The following MAMDC2 variants were observed in gnomAD, a reference collection of about 807,000 sequenced individuals.
MAMDC2 encodes the protein MAM domain containing 2, also known as MAM domain-containing protein 2.
Under a neutral mutation model 89.8 loss-of-function variants are expected in MAMDC2, and 57 were observed. That is an observed-to-expected ratio of 0.63 (90% confidence interval 0.51 to 0.79). The LOEUF is 0.79. Among genes scored for constraint, MAMDC2 ranks in the 30% least tolerant of loss-of-function variants. The pLI, the probability that MAMDC2 is intolerant of heterozygous loss-of-function variation, is 0.00. For missense variants in MAMDC2, 800 were observed against 820.6 expected (o/e 0.97, Z 0.31); for synonymous variants, 313 against 293.4 (o/e 1.07, Z -0.68).
At chr9:70,121,353 C>A (rs2030274836) in intron 5 of MAMDC2, among the ~76,000 whole-genome samples, 2 of 152,192 alleles carry the variant, frequency 1.3e-5, no homozygotes, top group Non-Finnish European at 2.9e-5. Context: ...GGGGCCTGAG[C>A]ACTGGCAGCA....
At position 70,226,262 on chromosome 9, in the gene MAMDC2, A is replaced by G. The variant is rs972742336; in HGVS notation, c.*230A>G. 3.3e-6 allele frequency: 1 copy of G among 305,578 alleles called. No individual in the cohort carries two copies. Among genetic ancestry groups the G allele is most frequent in the African/African-American group, 2.2e-5 (1 of 46,040 alleles). 18.9% of individuals were successfully genotyped at this position (305,578 alleles called of 1,614,324 possible). On this transcript the variant is annotated 3_prime_UTR_variant, in exon 14 of 14. Coordinates refer to ENST00000377182, the MANE Select transcript of MAMDC2 (RefSeq NM_153267.5). ...ACAGGCTACTGGTTTTGCATAGATC[A>G]TTCATCTTAATTTTGGTACCAGTTA...
At chr9:70,095,486 G>C (rs1041117683) in intron 2 of MAMDC2, among the ~76,000 whole-genome samples, 1 of 152,178 alleles carries the variant, frequency 6.6e-6, no homozygotes. Flanking sequence ...TAGAATTTTG[G>C]AGGGAGATGG....
Position 70,209,341 on chromosome 9 carries a change from T to C in MAMDC2, c.1652-8996T>C, listed in dbSNP as rs1454150381. Among the ~76,000 whole-genome samples the C allele has an allele frequency of 3.3e-5, 5 of 152,220 alleles. No individual in the cohort carries two copies. In the East Asian group the frequency reaches 9.6e-4, roughly 29 times the overall value. On this transcript the variant is annotated intron_variant, in intron 11 of 13. Transcript: ENST00000377182. ...TTCCTCTATTCAGGGATTCAACTTC[T>C]TCCTGGTTTAGTCTTGGGAGGGCAT... is the stretch of plus-strand genomic sequence containing the variant.
chr9:70,056,729 C>A, intron 2 of MAMDC2, among the ~76,000 whole-genome samples: 1 of 152,156 alleles, frequency 6.6e-6, no homozygotes, highest in East Asian at 1.9e-4. Context: ...AGCCACACAG[C>A]AGGATTGAGC....
At chr9:70,082,777 A>T (rs1399177023) in intron 2 of MAMDC2, 1 of 152,098 alleles carries the variant, frequency 6.6e-6, no homozygotes, top group East Asian at 1.9e-4. Flanking sequence ...CTGATGAGAG[A>T]AAAGTGTCAA....
intron 11 of MAMDC2, among the ~76,000 whole-genome samples, chr9:70,208,333 G>A (rs1225708641): frequency 6.6e-6 from 1 of 152,124 alleles, no homozygotes; most frequent in Admixed American, 6.6e-5. Flanking sequence ...AGTTCTCCTT[G>A]AAGAGGTCCT....
Position 70,220,254 on chromosome 9 carries a change from A to T in MAMDC2, c.1911+1658A>T, listed in dbSNP as rs75636402. Among the ~76,000 whole-genome samples the T allele has an allele frequency of 1.2e-3, 182 of 152,274 alleles. 5 individuals carry two copies. The East Asian group carries it at 0.035, about 29-fold the overall frequency. Reference sequence around the variant, plus strand: ...AGACACATGGCCTTGCATATAATAGACTTACTGGGGAGGTAGTTATTTGAA... The same window carrying T: ...AGACACATGGCCTTGCATATAATAGTCTTACTGGGGAGGTAGTTATTTGAA... On this transcript the variant is annotated intron_variant, in intron 12 of 13. Coordinates refer to ENST00000377182, the MANE Select transcript of MAMDC2 (RefSeq NM_153267.5).
chr9:70,225,291 T>C (rs1481094082), intron 12 of MAMDC2, among the ~76,000 whole-genome samples: 1 of 152,196 alleles, frequency 6.6e-6, no homozygotes, highest in East Asian at 1.9e-4. Context: ...TGTTCACACA[T>C]GGGTATCATC....
intron 11 of MAMDC2, chr9:70,194,064 C>T (rs1477607502): frequency 6.6e-6 from 1 of 152,028 alleles, no homozygotes; most frequent in African/African-American, 2.4e-5. Context: ...TGTAGCAATT[C>T]CAAGGGAGCT....
At chr9:70,120,534 A>G (rs2030237631) in intron 5 of MAMDC2, among the ~76,000 whole-genome samples, 1 of 152,032 alleles carries the variant, frequency 6.6e-6, no homozygotes, top group Admixed American at 6.6e-5. Context: ...CTTTATAGAA[A>G]CCCCATCTCC....
At chr9:70,116,225 T>C (rs2118292144) in intron 5 of MAMDC2, among the ~76,000 whole-genome samples, 1 of 152,354 alleles carries the variant, frequency 6.6e-6, no homozygotes, top group Non-Finnish European at 1.5e-5. Flanking sequence ...AAGAGGTAGC[T>C]GGCTGGGGAG....
At chr9:70,204,787 G>C (rs2033185544) in intron 11 of MAMDC2, among the ~76,000 whole-genome samples, 1 of 152,210 alleles carries the variant, frequency 6.6e-6, no homozygotes, top group African/African-American at 2.4e-5. Context: ...GGTCTGAAAA[G>C]AGCAATATTC....
chr9:70,115,518 G>C (rs1013609589), intron 5 of MAMDC2, among the ~76,000 whole-genome samples: 1 of 152,126 alleles, frequency 6.6e-6, no homozygotes, highest in Non-Finnish European at 1.5e-5. Context: ...ACTTTGTCCA[G>C]CTAATTTTTG....
chr9:70,126,580 T>C (rs1426267533), intron 6 of MAMDC2, among the ~76,000 whole-genome samples, 165 bp downstream of exon 6: 2 of 152,232 alleles, frequency 1.3e-5, no homozygotes, highest in African/African-American at 4.8e-5. Flanking sequence ...CTGCTCTCCC[T>C]TCCTCTGTGT....
Position 70,044,143 on chromosome 9 carries a change from CCCAGCGGGCT to C in MAMDC2, c.-54_-45del. 6.2e-7 allele frequency: 1 copy of C among 1,607,178 alleles called. No individual in the cohort carries two copies. On this transcript the variant is annotated 5_prime_UTR_variant, in exon 1 of 14. Transcript: ENST00000377182. ...ATCCCTTTCACTAGGAGCAGCCAGTCCCAGCGGGCTGGCAACTTGCACCCCTTCCTAGTCA... is the reference window on the plus strand; with the variant it reads ...ATCCCTTTCACTAGGAGCAGCCAGTCGGCAACTTGCACCCCTTCCTAGTCA...
intron 2 of MAMDC2, among the ~76,000 whole-genome samples, chr9:70,066,191 G>T (rs999345750): frequency 1.3e-5 from 2 of 152,296 alleles, no homozygotes; most frequent in African/African-American, 4.8e-5. Flanking sequence ...CCAAGGGAAT[G>T]GGGCAGCCAG....
intron 2 of MAMDC2, among the ~76,000 whole-genome samples, chr9:70,054,589 TC>T (rs906360801): frequency 2.6e-5 from 4 of 152,208 alleles, no homozygotes; most frequent in Admixed American, 1.3e-4. Flanking sequence ...ATTTTTTTTT[TC>T]GTTTTGTTTT....
At position 70,207,813 on chromosome 9, in the gene MAMDC2, G is replaced by T. The variant is rs555355298; in HGVS notation, c.1652-10524G>T. On this transcript the variant is annotated intron_variant, in intron 11 of 13. Transcript: ENST00000377182. ...CATCTTGAATTAATTTTTGTATAAG[G>T]TGTAAGGAAGGGATCCAGTTACAGC... Among the ~76,000 whole-genome samples, 14 of 152,290 alleles carry T rather than the reference G, an allele frequency of 9.2e-5. No individual in the cohort carries two copies. The South Asian group carries it at 2.7e-3, about 29-fold the overall frequency.
At position 70,152,831 on chromosome 9, in the gene MAMDC2, G is replaced by C. The variant is rs1466219610; in HGVS notation, c.1404+9012G>C. 2.0e-5 allele frequency among the ~76,000 whole-genome samples: 3 copies of C among 152,116 alleles called. No homozygotes were observed. The East Asian group carries it at 5.8e-4, about 29-fold the overall frequency. On this transcript the variant is annotated intron_variant, in intron 9 of 13. Transcript: ENST00000377182. ...CCAGGAGTATAGCCATATATCCATA[G>C]TACCTGGTAAAGCTCAAAGGCAATG...
Sources: gnomAD v4.1 joint callset for allele counts (sites outside exome capture counted in the v4.1 genomes callset) on GRCh38, gnomAD v4.1.1 for gene constraint, MANE v1.5 for transcripts, NCBI Gene and HGNC (gene_info 2026-07-23, HGNC 2026-07-21) for gene names.